The following ARHGAP44 variants were observed in gnomAD, a reference collection of about 807,000 sequenced individuals.
The protein encoded by ARHGAP44 is Rho GTPase activating protein 44.
In ARHGAP44, 43 loss-of-function variants were observed where a neutral mutation model predicts 106.8. The ratio of observed to expected loss-of-function variants is 0.40; its 90% CI spans 0.32 to 0.52. The LOEUF (loss-of-function observed/expected upper bound fraction) is 0.52, where lower values mean the gene tolerates loss of function less well. ARHGAP44 is among the 20% of genes least tolerant of loss of function. The probability of loss-of-function intolerance (pLI) is 0.48; values close to 1 mark genes in which losing one functional copy is unlikely to be tolerated. For missense variants in ARHGAP44, 866 were observed against 1,050.5 expected (o/e 0.82, Z 2.43); for synonymous variants, 439 against 410.3 (o/e 1.07, Z -0.85).
In ARHGAP44 at chr17:12,926,394, A is replaced by T. The variant is rs1051488484; in HGVS notation, c.465-2535A>T. Among the ~76,000 whole-genome samples the T allele has an allele frequency of 2.1e-5, 3 of 145,918 alleles. No individual in the cohort carries two copies. The Admixed American group carries it at 2.1e-4, about 10-fold the overall frequency. On this transcript the variant is annotated intron_variant, in intron 6 of 20. Transcript: ENST00000379672. ...AAAAATTATATATGTATTATATATA[A>T]TATATATTGTATATATATAATATAT...
At chr17:12,818,336 A>G (rs1417032394) in intron 1 of ARHGAP44, among the ~76,000 whole-genome samples, 1 of 63,492 alleles carries the variant, frequency 1.6e-5, no homozygotes, top group South Asian at 5.3e-4. Flanking sequence ...TCTGGAAAAG[A>G]AAAAAAAAAA....
rs544053062 is a variant in ARHGAP44, at chr17:12,817,030, T to A, written c.53+27139T>A. On this transcript the variant is annotated intron_variant, in intron 1 of 20. Transcript: ENST00000379672. ...ACTATATCCTCATCCATAAAGTAAA[T>A]TTTTAACTGATTTTAAAATGTGAAA... 1.4e-4 allele frequency among the ~76,000 whole-genome samples: 22 copies of A among 152,262 alleles called. 1 individual carries two copies. Among genetic ancestry groups the A allele is most frequent in the Middle Eastern group, 3.4e-3 (1 of 292 alleles).
intron 1 of ARHGAP44, among the ~76,000 whole-genome samples, chr17:12,814,233 GTGT>G (rs2034525607): frequency 2.2e-5 from 3 of 136,642 alleles, no homozygotes; most frequent in Non-Finnish European, 1.5e-5. Context: ...TCCCAAACTG[GTGT>G]TTTTTTTTTT....
intron 1 of ARHGAP44, among the ~76,000 whole-genome samples, chr17:12,879,845 A>G (rs1451809161): frequency 2.0e-5 from 3 of 151,944 alleles, no homozygotes; most frequent in African/African-American, 7.2e-5. Context: ...ACTGCTGTTT[A>G]CCTGAAGTCT....
At chr17:12,946,105 C>T (rs991921517) in intron 10 of ARHGAP44, among the ~76,000 whole-genome samples, 3 of 152,124 alleles carry the variant, frequency 2.0e-5, no homozygotes, top group Non-Finnish European at 4.4e-5. Flanking sequence ...GAGAGAGTTT[C>T]ATGGAAGAAG....
At chr17:12,844,006 T>C (rs1246159135) in intron 1 of ARHGAP44, among the ~76,000 whole-genome samples, 5 of 152,132 alleles carry the variant, frequency 3.3e-5, no homozygotes, top group African/African-American at 1.2e-4. Flanking sequence ...CTCAAAACTC[T>C]GTCTTCCCTC....
chr17:12,938,504 A>G (rs927443859), intron 7 of ARHGAP44, among the ~76,000 whole-genome samples: 3 of 151,816 alleles, frequency 2.0e-5, no homozygotes, highest in Admixed American at 1.3e-4. Context: ...ATTTCATCTG[A>G]TAAATAAGAC....
intron 1 of ARHGAP44, among the ~76,000 whole-genome samples, chr17:12,889,854 C>G (rs1377313875): frequency 4.6e-5 from 7 of 151,968 alleles, no homozygotes. Flanking sequence ...ATGTTCCTAT[C>G]TCAAAAGAGA....
intron 1 of ARHGAP44, among the ~76,000 whole-genome samples, chr17:12,814,841 A>C (rs2034551119): frequency 6.6e-6 from 1 of 151,910 alleles, no homozygotes; most frequent in South Asian, 2.1e-4. Flanking sequence ...ATCTTTCTGA[A>C]AAAAACCCCA....
chr17:12,812,999 A>AAGGGCCTTGGAGTAAT (rs1302737230), intron 1 of ARHGAP44, among the ~76,000 whole-genome samples: 1 of 152,244 alleles, frequency 6.6e-6, no homozygotes, highest in Non-Finnish European at 1.5e-5. Flanking sequence ...GCACACATGC[A>AAGGGCCTTGGAGTAAT]AGGGCCTTGG....
At chr17:12,977,632 G>T (rs12453248) in intron 18 of ARHGAP44, among the ~76,000 whole-genome samples, 52 of 152,134 alleles carry the variant, frequency 3.4e-4, no homozygotes, top group Middle Eastern at 3.4e-3. Context: ...GCCTTGTTCA[G>T]GTAGCGCCCC....
intron 1 of ARHGAP44, among the ~76,000 whole-genome samples, chr17:12,888,448 A>T (rs900292715): frequency 2.0e-5 from 3 of 152,188 alleles, no homozygotes; most frequent in Non-Finnish European, 4.4e-5. Flanking sequence ...GTCACGGAAC[A>T]AACTGCATAT....
Position 12,941,530 on chromosome 17 carries a change from T to A in ARHGAP44, c.651+406T>A, listed in dbSNP as rs188258904. Among the ~76,000 whole-genome samples, 6 of 152,260 alleles carry A rather than the reference T, an allele frequency of 3.9e-5. No individual in the cohort carries two copies. The East Asian group carries it at 1.2e-3, about 29-fold the overall frequency. The stretch of plus-strand genomic sequence containing the variant: ...GCCCCCACACCAATGAATTATCCAG[T>A]CCAAAATGTCAGTAGGGCTGACATT... On this transcript the variant is annotated intron_variant, in intron 8 of 20. Transcript: ENST00000379672.
chr17:12,804,082 C>A (rs2034200043), intron 1 of ARHGAP44, among the ~76,000 whole-genome samples: 1 of 152,182 alleles, frequency 6.6e-6, no homozygotes, highest in South Asian at 2.1e-4. Flanking sequence ...TGCTGTCTTT[C>A]TCTCCATTTT....
rs549016659 is a variant in ARHGAP44, at chr17:12,955,639, T to C, written c.1137-228T>C. ...AGGAGACTTTCTGGCCAGTGTTAGT[T>C]GAAGCAGATGTCGACACCTGACCCA... On this transcript the variant is annotated intron_variant, in intron 13 of 20. Coordinates refer to ENST00000379672, the MANE Select transcript of ARHGAP44 (RefSeq NM_014859.6). The C allele has an allele frequency of 1.5e-5, 7 of 453,034 alleles. No individual in the cohort carries two copies. In the East Asian group the frequency reaches 2.9e-4, roughly 19 times the overall value. The allele number at this position is 453,034 out of a possible 1,614,324, so 28.1% of individuals were successfully genotyped here.
At chr17:12,803,530 C>T (rs2034184054) in intron 1 of ARHGAP44, among the ~76,000 whole-genome samples, 3 of 152,170 alleles carry the variant, frequency 2.0e-5, no homozygotes, top group Admixed American at 6.5e-5. Context: ...CAGTGTCTTA[C>T]TCTGTTGCCC....
At chr17:12,889,100 G>A (rs931429542) in intron 1 of ARHGAP44, among the ~76,000 whole-genome samples, 1 of 152,094 alleles carries the variant, frequency 6.6e-6, no homozygotes. Context: ...ACATAAATCT[G>A]CCATTTTTGT....
rs1400120169 is a variant in ARHGAP44 at position 12,991,051 on chromosome 17, A to C, written c.*880A>C. 1 of 152,580 alleles carries C rather than the reference A, an allele frequency of 6.6e-6. No individual in the cohort carries two copies. Among genetic ancestry groups the C allele is most frequent in the Non-Finnish European group, 1.5e-5 (1 of 68,034 alleles). The allele number at this position is 152,580 out of a possible 1,614,324, so 9.5% of individuals were successfully genotyped here. ...CAAACTGAATAGCAATAATTACGTTACCCAAAGCATGTGGAGGAAAAGTGA... is the reference window on the plus strand; with the variant it reads ...CAAACTGAATAGCAATAATTACGTTCCCCAAAGCATGTGGAGGAAAAGTGA... On this transcript the variant is annotated 3_prime_UTR_variant, in exon 21 of 21. Transcript: ENST00000379672.
At chr17:12,907,986 ATAT>A (rs1383591073) in intron 3 of ARHGAP44, among the ~76,000 whole-genome samples, 3 of 152,088 alleles carry the variant, frequency 2.0e-5, no homozygotes, top group Non-Finnish European at 4.4e-5. Context: ...TTAAGCATTA[ATAT>A]TATTATAGCC....
Sources: gnomAD v4.1 joint callset for allele counts (sites outside exome capture counted in the v4.1 genomes callset) on GRCh38, gnomAD v4.1.1 for gene constraint, MANE v1.5 for transcripts, NCBI Gene and HGNC (gene_info 2026-07-23, HGNC 2026-07-21) for gene names.